Variants in CNTN5 observed in about 807,000 individuals in gnomAD.
CNTN5 encodes the protein contactin 5.
A neutral mutation model predicts 129.1 loss-of-function variants in CNTN5; 77 were observed. The ratio of observed to expected loss-of-function variants is 0.60; its 90% CI spans 0.50 to 0.72. CNTN5 has a LOEUF of 0.72. Among genes scored for constraint, CNTN5 ranks in the 30% least tolerant of loss-of-function variants. The probability of loss-of-function intolerance (pLI) is 0.00; values close to 1 mark genes in which losing one functional copy is unlikely to be tolerated. For synonymous variants in CNTN5, 509 were observed against 465.6 expected (o/e 1.09, Z -1.20); for missense variants, 1,478 against 1,328.8 (o/e 1.11, Z -1.75).
intron 2 of CNTN5, among the ~76,000 whole-genome samples, chr11:99,439,482 C>T (rs138526943): frequency 0.048 from 7,244 of 151,772 alleles, 236 homozygotes; most frequent in South Asian, 0.083. Context: ...CTGAGGTGGC[C>T]GGATCACCTG....
intron 2 of CNTN5, among the ~76,000 whole-genome samples, chr11:99,503,937 G>A (rs1370605556): frequency 6.6e-6 from 1 of 151,958 alleles, no homozygotes; most frequent in Non-Finnish European, 1.5e-5. Context: ...CAATGTATTT[G>A]TAACAAAAAT....
chr11:99,626,547 C>A (rs1410992618), intron 3 of CNTN5, among the ~76,000 whole-genome samples: 3 of 152,070 alleles, frequency 2.0e-5, no homozygotes, highest in African/African-American at 7.2e-5. Context: ...TTCTATTGCC[C>A]CACCAGACTG....
chr11:99,830,078 G>T (rs1947090005), intron 4 of CNTN5, among the ~76,000 whole-genome samples: 1 of 152,112 alleles, frequency 6.6e-6, no homozygotes, highest in Non-Finnish European at 1.5e-5. Context: ...CAGAGAGGCA[G>T]TCTGGATTAG....
chr11:99,435,932 C>G (rs1489829839), intron 2 of CNTN5, among the ~76,000 whole-genome samples: 1 of 152,128 alleles, frequency 6.6e-6, no homozygotes, highest in Non-Finnish European at 1.5e-5. Context: ...TTCAGAATTA[C>G]AGTGCAAGGT....
intron 2 of CNTN5, among the ~76,000 whole-genome samples, chr11:99,541,991 A>G (rs1205649605): frequency 4.0e-5 from 6 of 151,456 alleles, no homozygotes; most frequent in South Asian, 4.2e-4. Context: ...AAAAGAAAAG[A>G]AAGAAATGTG....
At chr11:100,088,294 C>T (rs147391136) in intron 13 of CNTN5, among the ~76,000 whole-genome samples, 8 of 151,876 alleles carry the variant, frequency 5.3e-5, no homozygotes, top group Middle Eastern at 3.4e-3. Context: ...ACATGAGAAA[C>T]ATCTCTAACA....
At chr11:99,950,398 G>A (rs928802193) in intron 7 of CNTN5, among the ~76,000 whole-genome samples, 32 of 152,290 alleles carry the variant, frequency 2.1e-4, no homozygotes, top group African/African-American at 6.5e-4. Context: ...GGAGAATGGC[G>A]TGAACCTGGT....
chr11:99,636,421 A>G, intron 3 of CNTN5, among the ~76,000 whole-genome samples: 1 of 151,142 alleles, frequency 6.6e-6, no homozygotes, highest in African/African-American at 2.4e-5. Context: ...TTTGCTCTTC[A>G]GATCCACTTT....
intron 3 of CNTN5, among the ~76,000 whole-genome samples, chr11:99,812,742 T>G (rs1946467104): frequency 6.6e-6 from 1 of 152,122 alleles, no homozygotes; most frequent in Non-Finnish European, 1.5e-5. Context: ...CCCAAAAATT[T>G]CATTCAGTAA....
intron 13 of CNTN5, 80 bp downstream of exon 13, chr11:100,074,374 A>G: frequency 8.7e-7 from 1 of 1,144,116 alleles, no homozygotes; most frequent in East Asian, 2.6e-5. Context: ...TATGCAAGAA[A>G]GAGTCTTGCA....
chr11:100,306,505 T>C (rs1341293970), intron 20 of CNTN5, among the ~76,000 whole-genome samples: 1 of 151,724 alleles, frequency 6.6e-6, no homozygotes, highest in Non-Finnish European at 1.5e-5. Flanking sequence ...CACACAAATC[T>C]CTGTAATGCA....
At chr11:99,169,141 C>T (rs1037835208) in intron 1 of CNTN5, among the ~76,000 whole-genome samples, 4 of 152,054 alleles carry the variant, frequency 2.6e-5, no homozygotes, top group East Asian at 3.9e-4. Flanking sequence ...AAAACATGGC[C>T]GTTGATACTA....
At chr11:99,941,761 T>A (rs1031453128) in intron 7 of CNTN5, among the ~76,000 whole-genome samples, 4 of 152,008 alleles carry the variant, frequency 2.6e-5, no homozygotes, top group Non-Finnish European at 4.4e-5. Flanking sequence ...AAGGTAAAAA[T>A]TATTGCACGT....
At chr11:99,688,675 T>C (rs555784568) in intron 3 of CNTN5, among the ~76,000 whole-genome samples, 5 of 152,282 alleles carry the variant, frequency 3.3e-5, no homozygotes, top group African/African-American at 9.6e-5. Flanking sequence ...GGTAAACATG[T>C]GTCATGGTGC....
intron 3 of CNTN5, among the ~76,000 whole-genome samples, chr11:99,695,175 G>A (rs2134820216): frequency 6.6e-6 from 1 of 152,104 alleles, no homozygotes; most frequent in South Asian, 2.1e-4. Context: ...TGGAAAATAA[G>A]TAGATCATCT....
At chr11:100,005,265 G>A (rs923917060) in intron 9 of CNTN5, among the ~76,000 whole-genome samples, 1 of 151,814 alleles carries the variant, frequency 6.6e-6, no homozygotes, top group Non-Finnish European at 1.5e-5. Flanking sequence ...GCCTTATCCT[G>A]TCCCCCCCAC....
intron 2 of CNTN5, among the ~76,000 whole-genome samples, chr11:99,326,936 AAATAAT>A (rs984913221): frequency 6.6e-6 from 1 of 152,134 alleles, no homozygotes; most frequent in African/African-American, 2.4e-5. Flanking sequence ...TACATACACA[AAATAAT>A]AATAATAATC....
chr11:100,044,571 A>ATT (rs1942565995), intron 9 of CNTN5, among the ~76,000 whole-genome samples: 1 of 151,450 alleles, frequency 6.6e-6, no homozygotes, highest in African/African-American at 2.4e-5. Flanking sequence ...CATTGATCTG[A>ATT]TGCCTAGTGA....
At chr11:99,150,295 G>A (rs998391599) in intron 1 of CNTN5, among the ~76,000 whole-genome samples, 1 of 152,112 alleles carries the variant, frequency 6.6e-6, no homozygotes, top group Middle Eastern at 3.4e-3. Flanking sequence ...TATTTGGTAT[G>A]TCAGTCTTAT....
Sources: gnomAD v4.1 joint callset for allele counts (sites outside exome capture counted in the v4.1 genomes callset) on GRCh38, gnomAD v4.1.1 for gene constraint, MANE v1.5 for transcripts, NCBI Gene and HGNC (gene_info 2026-07-23, HGNC 2026-07-21) for gene names.